Variants in TMTC1 observed in about 807,000 individuals in gnomAD.
TMTC1 encodes transmembrane O-mannosyltransferase targeting cadherins 1, also known as protein O-mannosyl-transferase TMTC1.
Under a neutral mutation model 104.8 loss-of-function variants are expected in TMTC1, and 73 were observed. That is an observed-to-expected ratio of 0.70 (90% CI 0.58 to 0.85). The LOEUF is 0.85. TMTC1 is among the 40% of genes least tolerant of loss of function. TMTC1 has a pLI of 0.00. For synonymous variants in TMTC1, 434 were observed against 428.7 expected (o/e 1.01, Z -0.15); for missense variants, 1,035 against 1,096.1 (o/e 0.94, Z 0.79).
In TMTC1 at chr12:29,503,535, A is replaced by C. The variant is rs1341851746; in HGVS notation, c.*3311T>G. On this transcript the variant is annotated 3_prime_UTR_variant, in exon 18 of 18. Coordinates refer to ENST00000539277, the MANE Select transcript of TMTC1 (RefSeq NM_001193451.2). ...GCAAGGAGAACTGATTCTAGGCACA[A>C]AAAAAAGGAGAGGTTAGATGGACTG... 1 of 152,074 alleles carries C rather than the reference A, an allele frequency of 6.6e-6. No homozygotes were observed. Among genetic ancestry groups the C allele is most frequent in the East Asian group, 1.9e-4 (1 of 5,190 alleles). The allele number at this position is 152,074 out of a possible 1,614,324, so 9.4% of individuals were successfully genotyped here. A position where few individuals can be genotyped will look rare whatever the true frequency, so the allele number is the denominator to read the frequency against.
chr12:29,549,375 C>T (rs1377783312), intron 10 of TMTC1, among the ~76,000 whole-genome samples: 1 of 152,018 alleles, frequency 6.6e-6, no homozygotes, highest in Non-Finnish European at 1.5e-5. Flanking sequence ...GTGATTGCCT[C>T]AGGGGAGGTG....
intron 5 of TMTC1, among the ~76,000 whole-genome samples, chr12:29,742,213 A>T (rs969252691): frequency 6.6e-6 from 1 of 152,224 alleles, no homozygotes; most frequent in African/African-American, 2.4e-5. Flanking sequence ...CAAAAGACAC[A>T]AACATTATTC....
At chr12:29,544,630 G>C (rs1053377894) in intron 10 of TMTC1, among the ~76,000 whole-genome samples, 3 of 152,184 alleles carry the variant, frequency 2.0e-5, no homozygotes, top group African/African-American at 7.2e-5. Context: ...CTGGTTCTGC[G>C]CATGGGGGCG....
chr12:29,570,353 G>A (rs1945633473), intron 9 of TMTC1, among the ~76,000 whole-genome samples: 1 of 152,134 alleles, frequency 6.6e-6, no homozygotes, highest in South Asian at 2.1e-4. Flanking sequence ...CCAGAGATAA[G>A]CATTATGAAC....
intron 11 of TMTC1, 104 bp downstream of exon 11, chr12:29,536,105 C>T (rs1944634903): frequency 1.3e-6 from 1 of 782,500 alleles, no homozygotes; most frequent in Non-Finnish European, 2.2e-6. Flanking sequence ...GATTGGTTGT[C>T]CAATATGGGT....
At chr12:29,608,129 C>T (rs1219436509) in intron 6 of TMTC1, among the ~76,000 whole-genome samples, 1 of 152,154 alleles carries the variant, frequency 6.6e-6, no homozygotes, top group Non-Finnish European at 1.5e-5. Context: ...GAACAACATA[C>T]TTATTTGAAA....
chr12:29,521,566 C>CTTTTT lies in TMTC1; in HGVS notation c.1786-851_1786-847dup, dbSNP rs3036151. 2.5e-4 allele frequency among the ~76,000 whole-genome samples: 22 copies of CTTTTT among 89,632 alleles called. 1 individual carries two copies. The highest frequency in any genetic ancestry group is 6.6e-4 in the African/African-American group (19 of 28,952). The allele number at this position is 89,632 out of a possible 152,430, so 58.8% of individuals were successfully genotyped here. On this transcript the variant is annotated intron_variant, in intron 11 of 17. Transcript: ENST00000539277. ...GGTACATTTTTCTTTTTCTTTCTTT[C>CTTTTT]TTTTTTTTTTTTTTTTTGAGACAGA...
chr12:29,679,375 C>T (rs1224113417), intron 5 of TMTC1, among the ~76,000 whole-genome samples: 1 of 152,032 alleles, frequency 6.6e-6, no homozygotes, highest in South Asian at 2.1e-4. Flanking sequence ...ACATGAAATA[C>T]TTCTATAGTC....
At chr12:29,648,393 G>T (rs990539201) in intron 5 of TMTC1, among the ~76,000 whole-genome samples, 5 of 151,606 alleles carry the variant, frequency 3.3e-5, no homozygotes, top group Admixed American at 1.3e-4. Flanking sequence ...GGGTCTTGAA[G>T]AATATTTTCT....
intron 3 of TMTC1, among the ~76,000 whole-genome samples, chr12:29,757,600 C>T (rs893769288): frequency 2.6e-5 from 4 of 152,156 alleles, no homozygotes; most frequent in African/African-American, 9.7e-5. Context: ...AGGCATCTCT[C>T]CATGAAACTG....
intron 10 of TMTC1, among the ~76,000 whole-genome samples, chr12:29,541,809 C>A (rs1007609103): frequency 6.6e-6 from 1 of 152,066 alleles, no homozygotes; most frequent in African/African-American, 2.4e-5. Flanking sequence ...CAGGCACACA[C>A]CACCACGCCC....
intron 10 of TMTC1, among the ~76,000 whole-genome samples, chr12:29,550,925 C>T (rs1225921168): frequency 8.9e-6 from 1 of 112,032 alleles, no homozygotes; most frequent in Non-Finnish European, 1.6e-5. Flanking sequence ...GAGAGTGGGA[C>T]TCCATCTCAA....
At chr12:29,695,793 TTATATATATATATATATATATATA>T (rs113135039) in intron 5 of TMTC1, among the ~76,000 whole-genome samples, 3 of 83,760 alleles carry the variant, frequency 3.6e-5, no homozygotes, top group Non-Finnish European at 8.1e-5. Context: ...TACTTCCTTT[TTATATATATATATATATATATATA>T]TATATATATA....
chr12:29,702,791 G>GA (rs1202687581), intron 5 of TMTC1, among the ~76,000 whole-genome samples: 1 of 137,596 alleles, frequency 7.3e-6, no homozygotes, highest in Non-Finnish European at 1.7e-5. Context: ...ATTGACATAA[G>GA]AAAAAAATAG....
chr12:29,507,939 T>C (rs1396357425), intron 17 of TMTC1, among the ~76,000 whole-genome samples: 1 of 152,212 alleles, frequency 6.6e-6, no homozygotes, highest in African/African-American at 2.4e-5. Flanking sequence ...TACATTTCCA[T>C]CACAATTAAA....
intron 5 of TMTC1, among the ~76,000 whole-genome samples, chr12:29,656,493 T>C (rs1377859907): frequency 6.6e-6 from 1 of 151,894 alleles, no homozygotes; most frequent in Admixed American, 6.6e-5. Context: ...TAGCTGGGAT[T>C]ACAGGCGCCT....
chr12:29,688,001 C>T (rs73271781), intron 5 of TMTC1, among the ~76,000 whole-genome samples: 1,529 of 152,146 alleles, frequency 0.01, 32 homozygotes, highest in African/African-American at 0.035. Context: ...TTTGGGGGAA[C>T]GTAATTCAGT....
chr12:29,761,725 G>T (rs1943354944), intron 2 of TMTC1, among the ~76,000 whole-genome samples: 1 of 152,118 alleles, frequency 6.6e-6, no homozygotes. Context: ...GACATTTCAG[G>T]CACAGGAATA....
At chr12:29,570,844 TCAAAACAAAA>T (rs1565678249) in intron 9 of TMTC1, among the ~76,000 whole-genome samples, 4 of 132,426 alleles carry the variant, frequency 3.0e-5, no homozygotes, top group Non-Finnish European at 4.8e-5. Context: ...AGACTCCGTC[TCAAAACAAAA>T]CAAAACAAAA....
Sources: gnomAD v4.1 joint callset for allele counts (sites outside exome capture counted in the v4.1 genomes callset) on GRCh38, gnomAD v4.1.1 for gene constraint, MANE v1.5 for transcripts, NCBI Gene and HGNC (gene_info 2026-07-23, HGNC 2026-07-21) for gene names.